ANP32D: variants seen among roughly 807,000 people sequenced by gnomAD.
ANP32D encodes acidic leucine-rich nuclear phosphoprotein 32 family member D.
In ANP32D, 6 loss-of-function variants were observed where a neutral mutation model predicts 7.8. The ratio of observed to expected loss-of-function variants is 0.77; its 90% CI spans 0.42 to 1.52. ANP32D has a LOEUF of 1.52. Ranked by LOEUF, ANP32D falls within the 40% of genes most tolerant of loss-of-function variation. The pLI is 0.01. For missense variants in ANP32D, 163 were observed against 145.9 expected (o/e 1.12, Z -0.60); for synonymous variants, 69 against 59.7 (o/e 1.16, Z -0.72).
Position 48,472,693 on chromosome 12 carries a change from A to G in ANP32D, c.29A>G (p.Glu10Gly). 6.2e-7 allele frequency: 1 copy of G among 1,614,192 alleles called. No homozygotes were observed. Among genetic ancestry groups the G allele is most frequent in the Non-Finnish European group, 8.5e-7 (1 of 1,180,030 alleles). ...GAGATGGGCAAATGGATTCATTTAG[A>G]GCTGCGGAACAGGACGCCCTCCGAT... MEMGKWIHLELRNRTPSDVK... is the reference protein window; with the variant it reads MEMGKWIHLGLRNRTPSDVK... Residue 10 changes from glutamate to glycine, a missense_variant, in exon 1 of 1, where the codon GAG becomes GGG. Coordinates refer to ENST00000266594, the MANE Select transcript of ANP32D (RefSeq NM_012404.3).
chr12:48,473,177 G>T lies in ANP32D; in HGVS notation c.*117G>T. 1.4e-6 allele frequency: 2 copies of T among 1,449,680 alleles called. No individual in the cohort carries two copies. The highest frequency in any genetic ancestry group is 1.9e-6 in the Non-Finnish European group (2 of 1,032,722). The allele number at this position is 1,449,680 out of a possible 1,614,324, so 89.8% of individuals were successfully genotyped here. A position where few individuals can be genotyped will look rare whatever the true frequency, so the allele number is the denominator to read the frequency against. On this transcript the variant is annotated 3_prime_UTR_variant, in exon 1 of 1. Transcript: ENST00000266594. ...TTGTGGAGTGCCTGGATGACAAGGA[G>T]GAGGATGAGGATGAGGAGGAGTATG... is the stretch of plus-strand genomic sequence containing the variant.
Sources: allele counts gnomAD v4.1 joint callset, GRCh38; gene constraint gnomAD v4.1.1; transcripts MANE v1.5; gene names NCBI Gene and HGNC (gene_info 2026-07-23, HGNC 2026-07-21).